TPTE: variants seen among roughly 807,000 people sequenced by gnomAD.
TPTE encodes the protein transmembrane phosphatase with tensin homology, also known as putative tyrosine-protein phosphatase TPTE.
A neutral mutation model predicts 84.1 loss-of-function variants in TPTE; 59 were observed. That is an observed-to-expected ratio of 0.70 (90% CI 0.57 to 0.87). The LOEUF (loss-of-function observed/expected upper bound fraction) is 0.87, where lower values mean the gene tolerates loss of function less well. Among genes scored for constraint, TPTE ranks in the 40% least tolerant of loss-of-function variants. TPTE has a pLI of 0.00. For missense variants in TPTE, 382 were observed against 659.6 expected, an observed-to-expected ratio of 0.58 and a Z score of 4.61; for synonymous variants, 130 against 223.5, an observed-to-expected ratio of 0.58 and a Z score of 3.73.
At chr21:10,548,073 G>A (rs2074502444) in intron 7 of TPTE, among the ~76,000 whole-genome samples, 1 of 152,310 alleles carries the variant, frequency 6.6e-6, no homozygotes, top group Non-Finnish European at 1.5e-5. Context: ...TTTAATAAGG[G>A]CCTGAGAAAC....
At chr21:10,602,023 G>T (rs765754226) in intron 21 of TPTE, 35 bp from the exon 22 acceptor site, 10 of 1,593,880 alleles carry the variant, frequency 6.3e-6, no homozygotes, top group African/African-American at 4.0e-5. Flanking sequence ...CATTATCTAG[G>T]TTTATAGTTC....
At chr21:10,547,346 A>G (rs1410449503) in intron 7 of TPTE, among the ~76,000 whole-genome samples, 1 of 152,306 alleles carries the variant, frequency 6.6e-6, no homozygotes, top group Non-Finnish European at 1.5e-5. Flanking sequence ...CACAGCATGG[A>G]AGCACTCAGC....
chr21:10,528,972 GT>G, intron 3 of TPTE, among the ~76,000 whole-genome samples: 1 of 152,284 alleles, frequency 6.6e-6, no homozygotes, highest in Admixed American at 6.5e-5. Context: ...GGACCACGAG[GT>G]CAGGAGTTCA....
intron 11 of TPTE, among the ~76,000 whole-genome samples, chr21:10,568,145 T>A (rs1368013869): frequency 6.6e-6 from 1 of 152,298 alleles, no homozygotes; most frequent in Non-Finnish European, 1.5e-5. Flanking sequence ...AAGTATAATA[T>A]TCTTATCAGT....
At chr21:10,569,609 T>G (rs546086840) in intron 12 of TPTE, 73 bp downstream of exon 12, 21 of 1,613,710 alleles carry the variant, frequency 1.3e-5, no homozygotes, top group Non-Finnish European at 1.8e-5. Context: ...AGGGTTGATA[T>G]CTATACTGTA....
chr21:10,544,091 A>T (rs2074422442), intron 7 of TPTE, among the ~76,000 whole-genome samples: 1 of 152,306 alleles, frequency 6.6e-6, no homozygotes, highest in South Asian at 2.1e-4. Context: ...GTCATGTGAA[A>T]ACCTCTCCTG....
chr21:10,556,465 C>T (rs895629751), intron 8 of TPTE, among the ~76,000 whole-genome samples: 1 of 152,306 alleles, frequency 6.6e-6, no homozygotes, highest in Non-Finnish European at 1.5e-5. Flanking sequence ...GGGTTGGTTC[C>T]AAGTCTTTGC....
chr21:10,576,317 AT>A (rs1288142395), intron 14 of TPTE: 1 of 232,172 alleles, frequency 4.3e-6, no homozygotes, highest in Non-Finnish European at 9.0e-6. Context: ...AGGCAAGAAA[AT>A]TTTTGTTCAG....
intron 7 of TPTE, among the ~76,000 whole-genome samples, chr21:10,545,587 T>C (rs1480236152): frequency 1.3e-5 from 2 of 152,306 alleles, no homozygotes; most frequent in African/African-American, 4.8e-5. Context: ...GTGGTGTCAT[T>C]GAAAACTACT....
chr21:10,541,003 G>A (rs1227615705), intron 4 of TPTE, 109 bp from the exon 5 acceptor site: 114 of 1,505,812 alleles, frequency 7.6e-5, no homozygotes, highest in Non-Finnish European at 1.0e-4. Context: ...ACATACATGT[G>A]AATAATAAAA....
chr21:10,588,559 C>A (rs2075408889), intron 17 of TPTE, among the ~76,000 whole-genome samples: 1 of 152,312 alleles, frequency 6.6e-6, no homozygotes, highest in East Asian at 1.9e-4. Flanking sequence ...GTCTATCTAG[C>A]AAGATTCAAG....
intron 10 of TPTE, among the ~76,000 whole-genome samples, chr21:10,566,248 G>A (rs1265487852): frequency 6.6e-6 from 1 of 152,310 alleles, no homozygotes; most frequent in Non-Finnish European, 1.5e-5. Flanking sequence ...GGCATATCAA[G>A]AGATGCTTGA....
At chr21:10,587,967 G>C (rs1201454941) in intron 17 of TPTE, among the ~76,000 whole-genome samples, 1 of 152,312 alleles carries the variant, frequency 6.6e-6, no homozygotes, top group African/African-American at 2.4e-5. Flanking sequence ...TCCTGCCTCA[G>C]CCTTCTGAGT....
At chr21:10,595,447 A>G (rs1158098660) in intron 19 of TPTE, among the ~76,000 whole-genome samples, 2 of 152,312 alleles carry the variant, frequency 1.3e-5, no homozygotes, top group African/African-American at 4.8e-5. Flanking sequence ...GGGAAAGGAC[A>G]AGGCTAAGAC....
intron 10 of TPTE, among the ~76,000 whole-genome samples, chr21:10,561,801 A>G (rs1188378211): frequency 2.0e-5 from 3 of 152,310 alleles, no homozygotes; most frequent in African/African-American, 7.2e-5. Flanking sequence ...CCTGTAGGCT[A>G]GGAGAACTTG....
At chr21:10,522,342 G>C (rs533400473) in intron 1 of TPTE, among the ~76,000 whole-genome samples, 1 of 152,378 alleles carries the variant, frequency 6.6e-6, no homozygotes, top group African/African-American at 2.4e-5. Context: ...GTCTCCGCCG[G>C]GAGCGGGGGT....
At chr21:10,555,250 C>A (rs2074658994) in intron 8 of TPTE, among the ~76,000 whole-genome samples, 1 of 152,298 alleles carries the variant, frequency 6.6e-6, no homozygotes, top group Non-Finnish European at 1.5e-5. Flanking sequence ...GCTCTGTCAC[C>A]AGGCTGGAGT....
chr21:10,564,949 G>T (rs1175893870), intron 10 of TPTE, among the ~76,000 whole-genome samples: 5 of 152,308 alleles, frequency 3.3e-5, no homozygotes, highest in South Asian at 2.1e-4. Flanking sequence ...ACACAATGAG[G>T]ATGCCCACTT....
intron 14 of TPTE, among the ~76,000 whole-genome samples, chr21:10,577,021 A>T (rs868169983): frequency 7.2e-5 from 11 of 152,420 alleles, no homozygotes; most frequent in Middle Eastern, 6.8e-3. Context: ...CAATCATACT[A>T]TATGCTTTTT....
Sources: gnomAD v4.1 joint callset for allele counts (sites outside exome capture counted in the v4.1 genomes callset) on GRCh38, gnomAD v4.1.1 for gene constraint, MANE v1.5 for transcripts, NCBI Gene and HGNC (gene_info 2026-07-23, HGNC 2026-07-21) for gene names.